The following FOXP1 variants were observed in gnomAD, a reference collection of about 807,000 sequenced individuals.
FOXP1 encodes forkhead box protein P1.
A neutral mutation model predicts 98.2 loss-of-function variants in FOXP1; 15 were observed. The observed-to-expected ratio is 0.15, with a 90% CI of 0.10 to 0.24. The LOEUF (loss-of-function observed/expected upper bound fraction) is 0.24, where lower values mean the gene tolerates loss of function less well. FOXP1 is among the 10% of genes least tolerant of loss of function. The pLI, the probability that FOXP1 is intolerant of heterozygous loss-of-function variation, is 1.00. For missense variants in FOXP1, 633 were observed against 848.5 expected (o/e 0.75, Z 3.15); for synonymous variants, 371 against 314.5 (o/e 1.18, Z -1.90).
At chr3:71,141,729 A>G (rs1026868195) in intron 6 of FOXP1, among the ~76,000 whole-genome samples, 4 of 152,164 alleles carry the variant, frequency 2.6e-5, no homozygotes, top group Non-Finnish European at 5.9e-5. Context: ...AGACATCAGC[A>G]ATCAACAAAT....
chr3:71,302,420 T>A (rs557109434), intron 4 of FOXP1, among the ~76,000 whole-genome samples: 1 of 151,924 alleles, frequency 6.6e-6, no homozygotes, highest in East Asian at 1.9e-4. Flanking sequence ...TTAAATCACT[T>A]TTACTTATCA....
intron 5 of FOXP1, among the ~76,000 whole-genome samples, chr3:71,223,802 G>A (rs1218637882): frequency 6.6e-6 from 1 of 152,002 alleles, no homozygotes; most frequent in Non-Finnish European, 1.5e-5. Flanking sequence ...GTGACCAGAT[G>A]GCTCTCCGCT....
chr3:71,194,215 G>C (rs2063165582), intron 6 of FOXP1, among the ~76,000 whole-genome samples: 1 of 147,280 alleles, frequency 6.8e-6, no homozygotes, highest in African/African-American at 2.5e-5. Context: ...AGCAACCAAA[G>C]CTCTCTCTAT....
chr3:71,220,486 G>A (rs1239689984), intron 5 of FOXP1, among the ~76,000 whole-genome samples: 1 of 152,188 alleles, frequency 6.6e-6, no homozygotes, highest in Non-Finnish European at 1.5e-5. Context: ...CCTGGCTTAC[G>A]CCTGTAATCT....
At chr3:71,381,845 G>A (rs1395764324) in intron 3 of FOXP1, among the ~76,000 whole-genome samples, 1 of 152,126 alleles carries the variant, frequency 6.6e-6, no homozygotes, top group Non-Finnish European at 1.5e-5. Flanking sequence ...TATTTGTTAC[G>A]TATTAATTCA....
rs1392506626 is a variant in FOXP1, at chr3:70,956,041, G to A, written c.*3206C>T. ...CATGTGCAGCATATTCTGCAATTCCGTTACATACAGTAGTTTTTTTTCCAA... is the reference window on the plus strand; with the variant it reads ...CATGTGCAGCATATTCTGCAATTCCATTACATACAGTAGTTTTTTTTCCAA... On this transcript the variant is annotated 3_prime_UTR_variant, in exon 21 of 21. Transcript: ENST00000649528. 5 of 232,934 alleles carry A rather than the reference G, an allele frequency of 2.1e-5. No individual in the cohort carries two copies. Among genetic ancestry groups the A allele is most frequent in the Non-Finnish European group, 3.4e-5 (4 of 118,016 alleles). The allele number at this position is 232,934 out of a possible 1,614,324, so 14.4% of individuals were successfully genotyped here. A position where few individuals can be genotyped will look rare whatever the true frequency, so the allele number is the denominator to read the frequency against.
chr3:71,093,305 C>T (rs2056097294), intron 7 of FOXP1, among the ~76,000 whole-genome samples: 1 of 145,436 alleles, frequency 6.9e-6, no homozygotes, highest in Non-Finnish European at 1.5e-5. Flanking sequence ...AGCAAAAGAA[C>T]ATTCTAGATA....
At chr3:71,416,433 T>C (rs1479022424) in intron 3 of FOXP1, among the ~76,000 whole-genome samples, 1 of 151,830 alleles carries the variant, frequency 6.6e-6, no homozygotes, top group African/African-American at 2.4e-5. Context: ...TAATCCCAGC[T>C]ATTTGGGGGG....
chr3:71,311,935 C>A (rs969544711), intron 4 of FOXP1, among the ~76,000 whole-genome samples: 13 of 152,150 alleles, frequency 8.5e-5, no homozygotes, highest in African/African-American at 3.1e-4. Flanking sequence ...CAACTATGAC[C>A]CAAGGCGAGG....
chr3:71,237,179 C>CTGAGATTAT (rs2066862426), intron 5 of FOXP1, among the ~76,000 whole-genome samples: 1 of 112,492 alleles, frequency 8.9e-6, no homozygotes, highest in Non-Finnish European at 1.6e-5. Context: ...TTGCAATGAA[C>CTGAGATTAT]TGAGATTATG....
chr3:71,369,766 T>A (rs936557584), intron 3 of FOXP1, among the ~76,000 whole-genome samples: 1 of 152,164 alleles, frequency 6.6e-6, no homozygotes, highest in African/African-American at 2.4e-5. Flanking sequence ...AGATCGACCA[T>A]AGAGTGTAGT....
At chr3:71,150,197 G>A (rs747120744) in intron 6 of FOXP1, among the ~76,000 whole-genome samples, 1 of 152,210 alleles carries the variant, frequency 6.6e-6, no homozygotes, top group Non-Finnish European at 1.5e-5. Flanking sequence ...TGAGATAAGG[G>A]CGAAATCAAC....
intron 5 of FOXP1, among the ~76,000 whole-genome samples, chr3:71,281,039 C>CCA (rs1553816158): frequency 2.6e-4 from 22 of 83,522 alleles, no homozygotes; most frequent in Non-Finnish European, 3.1e-4. Context: ...CCCTTCTCTA[C>CCA]AAAAAAAAAA....
intron 5 of FOXP1, among the ~76,000 whole-genome samples, chr3:71,276,643 TATATGC>T (rs1258224405): frequency 6.6e-6 from 1 of 152,166 alleles, no homozygotes; most frequent in Non-Finnish European, 1.5e-5. Flanking sequence ...AATAACTGTA[TATATGC>T]ATGGTGATGC....
At chr3:71,006,205 G>A (rs914320236) in intron 12 of FOXP1, among the ~76,000 whole-genome samples, 6 of 151,954 alleles carry the variant, frequency 3.9e-5, no homozygotes, top group African/African-American at 9.7e-5. Flanking sequence ...TGAGAATCTC[G>A]CTAGTACAGA....
chr3:71,190,159 C>T lies in FOXP1; in HGVS notation c.180+8043G>A, dbSNP rs1362770058. 5.3e-5 allele frequency among the ~76,000 whole-genome samples: 8 copies of T among 152,160 alleles called. No homozygotes were observed. In the East Asian group the frequency reaches 1.2e-3, roughly 22 times the overall value. ...CCTCCCATAAGCCGAACCCAATCTG[C>T]CTTTTCACCATCTTCCCATCTTCCT... On this transcript the variant is annotated intron_variant, in intron 6 of 20. Coordinates refer to ENST00000649528, the MANE Select transcript of FOXP1 (RefSeq NM_001349338.3).
chr3:71,553,076 TGTCA>T (rs1356226172), intron 2 of FOXP1, among the ~76,000 whole-genome samples: 2 of 152,118 alleles, frequency 1.3e-5, no homozygotes, highest in East Asian at 1.9e-4. Context: ...TACCTTCAAA[TGTCA>T]GTATTTCTGG....
At chr3:71,267,244 G>C (rs2069782951) in intron 5 of FOXP1, among the ~76,000 whole-genome samples, 1 of 151,976 alleles carries the variant, frequency 6.6e-6, no homozygotes, top group Admixed American at 6.6e-5. Flanking sequence ...TTAGTATTAG[G>C]AGCTCTGAAG....
At chr3:71,383,243 C>T (rs2080312332) in intron 3 of FOXP1, among the ~76,000 whole-genome samples, 1 of 152,184 alleles carries the variant, frequency 6.6e-6, no homozygotes, top group South Asian at 2.1e-4. Context: ...ACCACTTTAC[C>T]CTTTCTTTGG....
Sources: gnomAD v4.1 joint callset for allele counts (sites outside exome capture counted in the v4.1 genomes callset) on GRCh38, gnomAD v4.1.1 for gene constraint, MANE v1.5 for transcripts, NCBI Gene and HGNC (gene_info 2026-07-23, HGNC 2026-07-21) for gene names.